Variants in DEPDC5 observed in about 807,000 individuals in gnomAD.
DEPDC5 encodes GATOR1 complex protein DEPDC5.
Under a neutral mutation model 217.3 loss-of-function variants are expected in DEPDC5, and 73 were observed. The ratio of observed to expected loss-of-function variants is 0.34; its 90% CI spans 0.28 to 0.41. The LOEUF (loss-of-function observed/expected upper bound fraction) is 0.41, where lower values mean the gene tolerates loss of function less well. DEPDC5 is among the 10% of genes least tolerant of loss of function. The pLI, the probability that DEPDC5 is intolerant of heterozygous loss-of-function variation, is 1.00. For missense variants in DEPDC5, 1,675 were observed against 2,070.1 expected (o/e 0.81, Z 3.70); for synonymous variants, 733 against 756.7 (o/e 0.97, Z 0.51).
intron 3 of DEPDC5, among the ~76,000 whole-genome samples, chr22:31,759,395 A>G (rs2082199426): frequency 7.1e-6 from 1 of 140,854 alleles, no homozygotes; most frequent in Non-Finnish European, 1.5e-5. Flanking sequence ...TTTTTTTGAG[A>G]TGAAATCTCA....
At chr22:31,864,045 T>C (rs1401448903) in intron 33 of DEPDC5, among the ~76,000 whole-genome samples, 1 of 152,174 alleles carries the variant, frequency 6.6e-6, no homozygotes, top group Non-Finnish European at 1.5e-5. Context: ...AAAACTTGCT[T>C]TGTGTATTTT....
At chr22:31,791,861 A>G (rs995692695) in intron 10 of DEPDC5, among the ~76,000 whole-genome samples, 172 bp from the exon 11 acceptor site, 1 of 124,222 alleles carries the variant, frequency 8.1e-6, no homozygotes, top group Non-Finnish European at 1.6e-5. Flanking sequence ...CAGGAGGCGG[A>G]GGTTGCAGTG....
At chr22:31,792,843 T>G in intron 12 of DEPDC5, 26 bp downstream of exon 12, 1 of 1,471,050 alleles carries the variant, frequency 6.8e-7, no homozygotes, top group African/African-American at 1.5e-5. Context: ...TTGCTATACT[T>G]TTTATTTATT....
chr22:31,830,134 C>T (rs2148894534), intron 24 of DEPDC5, among the ~76,000 whole-genome samples: 1 of 152,310 alleles, frequency 6.6e-6, no homozygotes, highest in East Asian at 1.9e-4. Flanking sequence ...GCCTCTGTAG[C>T]CCAGAGAAGA....
chr22:31,798,483 A>G, intron 13 of DEPDC5, 99 bp from the exon 14 acceptor site: 1 of 1,015,624 alleles, frequency 9.8e-7, no homozygotes, highest in Non-Finnish European at 1.4e-6. Flanking sequence ...GTGCTGCTCC[A>G]CTCCAGCCTG....
In DEPDC5 at chr22:31,906,189, TCCC is replaced by T; in HGVS notation, c.4520-14_4520-12del. 1 of 1,613,020 alleles carries T rather than the reference TCCC, an allele frequency of 6.2e-7. No individual in the cohort carries two copies. The highest frequency in any genetic ancestry group is 8.5e-7 in the Non-Finnish European group (1 of 1,179,270). On this transcript the variant is annotated splice_polypyrimidine_tract_variant and intron_variant, in intron 42 of 42. Transcript: ENST00000651528. This position sits in a 1 kb window ranked among gnomAD's most constrained non-coding sequence, Gnocchi z 5.1. Reference sequence around the variant, plus strand: ...CTCCTGGTGGCTGCCACACAGGCGCTCCCCTTTCTCTTCAGGAACAGTGTTTCT... The same window carrying T: ...CTCCTGGTGGCTGCCACACAGGCGCTCTTTCTCTTCAGGAACAGTGTTTCT...
intron 29 of DEPDC5, chr22:31,844,702 CTTTTTTTTTTTT>C (rs136860): frequency 6.1e-5 from 8 of 131,738 alleles, no homozygotes; most frequent in Admixed American, 3.3e-4. Flanking sequence ...CTTCAGAGCT[CTTTTTTTTTTTT>C]TTTTTTTTTT....
intron 29 of DEPDC5, 116 bp from the exon 30 acceptor site, chr22:31,844,902 G>C: frequency 1.9e-6 from 2 of 1,028,224 alleles, no homozygotes; most frequent in African/African-American, 3.2e-5. Flanking sequence ...CATCAAATGA[G>C]CACATACTCA....
chr22:31,856,155 GCACACACACACACACACACA>G (rs136863), intron 31 of DEPDC5, among the ~76,000 whole-genome samples: 1 of 140,570 alleles, frequency 7.1e-6, no homozygotes, highest in Non-Finnish European at 1.5e-5. Context: ...GGGCCAACGC[GCACACACACACACACACACA>G]CACACACACA....
chr22:31,773,619 T>G (rs1417600835), intron 7 of DEPDC5, among the ~76,000 whole-genome samples: 1 of 152,242 alleles, frequency 6.6e-6, no homozygotes, highest in Non-Finnish European at 1.5e-5. Flanking sequence ...GGATCAAAGG[T>G]TACTTTCTTT....
intron 7 of DEPDC5, 26 bp downstream of exon 7, chr22:31,768,889 A>G (rs2083064682): frequency 1.2e-6 from 2 of 1,612,818 alleles, no homozygotes; most frequent in South Asian, 2.2e-5. Flanking sequence ...CTCTTGCCTT[A>G]TCTGTGCAGT....
At chr22:31,879,839 T>C in intron 38 of DEPDC5, 87 bp downstream of exon 38, 2 of 1,302,044 alleles carry the variant, frequency 1.5e-6, no homozygotes, top group South Asian at 1.3e-5. Flanking sequence ...CGATGCCACA[T>C]GAACCAGGAT....
At position 31,797,717 on chromosome 22, in the gene DEPDC5, G is replaced by A; in HGVS notation, c.871+14G>A. 1 of 1,595,478 alleles carries A rather than the reference G, an allele frequency of 6.3e-7. No homozygotes were observed. The highest frequency in any genetic ancestry group is 1.3e-5 in the African/African-American group (1 of 74,696). ...TGGAACAGGCAGGTACTGCATTCAT[G>A]TAATAGATGGTGCGGCGGGGAAAGG... On this transcript the variant is annotated intron_variant, in intron 13 of 42. Transcript: ENST00000651528.
At chr22:31,882,567 T>G (rs1002181821) in intron 38 of DEPDC5, among the ~76,000 whole-genome samples, 8 of 152,226 alleles carry the variant, frequency 5.3e-5, no homozygotes, top group African/African-American at 1.9e-4. Flanking sequence ...ACTCCACTGA[T>G]TTCTTGGAAG....
Position 31,815,014 on chromosome 22 carries a change from C to T in DEPDC5, c.1468C>T (p.His490Tyr), listed in dbSNP as rs2088908674. Residue 490 changes from histidine to tyrosine, a missense_variant, in exon 21 of 43, where the codon CAC (histidine) becomes TAC (tyrosine). By Grantham distance (83) the His-to-Tyr change is moderately conservative. Transcript: ENST00000651528. ...CAGATCTGTGCGAGAGCGAGAGAGT[C>T]ACAGTCGAAAGAGTGCCAGCTCCTG... ...TCRSVRERES[H>Y]SRKSASSCDV... The T allele has an allele frequency of 1.9e-6, 3 of 1,614,078 alleles. No homozygotes were observed. The highest frequency in any genetic ancestry group is 2.5e-6 in the Non-Finnish European group (3 of 1,179,978).
intron 24 of DEPDC5, among the ~76,000 whole-genome samples, chr22:31,828,472 A>G (rs2090335295): frequency 1.3e-5 from 2 of 151,886 alleles, no homozygotes; most frequent in African/African-American, 4.8e-5. Context: ...AAAAAAAAAA[A>G]AACAGTTCCT....
At chr22:31,811,074 T>C (rs1248932325) in intron 20 of DEPDC5, among the ~76,000 whole-genome samples, 2 of 151,974 alleles carry the variant, frequency 1.3e-5, no homozygotes, top group African/African-American at 2.4e-5. Flanking sequence ...TGTGCCTGGC[T>C]TGTTTTGTTT....
intron 12 of DEPDC5, among the ~76,000 whole-genome samples, chr22:31,795,120 G>A (rs2086097360): frequency 6.8e-6 from 1 of 146,364 alleles, no homozygotes; most frequent in Non-Finnish European, 1.5e-5. Flanking sequence ...GCCCAGGCTG[G>A]AGTGCACTAG....
At chr22:31,882,829 G>A (rs2093212528) in intron 38 of DEPDC5, among the ~76,000 whole-genome samples, 1 of 151,442 alleles carries the variant, frequency 6.6e-6, no homozygotes, top group South Asian at 2.1e-4. Flanking sequence ...TCCCTATGTT[G>A]CCCAGGCTGT....
Sources: gnomAD v4.1 joint callset for allele counts (sites outside exome capture counted in the v4.1 genomes callset) on GRCh38, gnomAD v4.1.1 for gene constraint, Gnocchi (gnomAD v3.1) non-coding constraint, MANE v1.5 for transcripts, NCBI Gene and HGNC (gene_info 2026-07-23, HGNC 2026-07-21) for gene names.